Variants in BRDT observed in about 807,000 individuals in gnomAD.
BRDT encodes the protein bromodomain testis associated, also known as bromodomain testis-specific protein.
In BRDT, 77 loss-of-function variants were observed where a neutral mutation model predicts 113.9. The observed-to-expected ratio is 0.68, with a 90% confidence interval of 0.56 to 0.82. The LOEUF is 0.82. Among genes scored for constraint, BRDT ranks in the 40% least tolerant of loss-of-function variants. BRDT has a pLI of 0.00. For synonymous variants in BRDT, 358 were observed against 366.5 expected, an observed-to-expected ratio of 0.98 and a Z score of 0.26; for missense variants, 1,027 against 1,105.4, an observed-to-expected ratio of 0.93 and a Z score of 1.01.
intron 18 of BRDT, among the ~76,000 whole-genome samples, chr1:92,013,753 G>C (rs948782508): frequency 1.8e-4 from 28 of 152,298 alleles, no homozygotes; most frequent in African/African-American, 6.7e-4. Context: ...GCAGAATCAA[G>C]GAAAGCCCAT....
chr1:92,009,563 T>TTTTC (rs1285219919), intron 18 of BRDT, among the ~76,000 whole-genome samples: 3 of 147,004 alleles, frequency 2.0e-5, no homozygotes, highest in African/African-American at 7.6e-5. Flanking sequence ...TTTTTTTTTT[T>TTTTC]TCTCTTGACA....
intron 14 of BRDT, among the ~76,000 whole-genome samples, chr1:91,992,659 C>T (rs570682853): frequency 5.9e-5 from 9 of 152,220 alleles, no homozygotes; most frequent in Non-Finnish European, 1.2e-4. Context: ...CCTCAGTCTC[C>T]GGAGTAGCTG....
chr1:91,960,731 A>G lies in BRDT; in HGVS notation c.-37-1987A>G, dbSNP rs914397187. Among the ~76,000 whole-genome samples the G allele has an allele frequency of 3.3e-5, 5 of 152,234 alleles. No homozygotes were observed. In the East Asian group the frequency reaches 5.8e-4, roughly 18 times the overall value. Reference sequence around the variant, plus strand: ...AAAATATAAGTGATTAATATGCAACAGGAGGTGAGAACTAATACTACTTTA... The same window carrying G: ...AAAATATAAGTGATTAATATGCAACGGGAGGTGAGAACTAATACTACTTTA... On this transcript the variant is annotated intron_variant, in intron 1 of 18. Transcript: ENST00000399546.
chr1:91,999,632 T>C (rs1043327064), intron 15 of BRDT, among the ~76,000 whole-genome samples: 8 of 152,202 alleles, frequency 5.3e-5, no homozygotes, highest in Non-Finnish European at 1.0e-4. Context: ...GGGAGCAGCC[T>C]TTCCATTTAT....
chr1:91,991,869 G>C (rs897803585), intron 13 of BRDT, among the ~76,000 whole-genome samples: 1 of 151,822 alleles, frequency 6.6e-6, no homozygotes, highest in Non-Finnish European at 1.5e-5. Flanking sequence ...CCATGCGCCT[G>C]TAATCCCAGC....
At chr1:91,984,391 A>G (rs1685008248) in intron 12 of BRDT, among the ~76,000 whole-genome samples, 1 of 152,150 alleles carries the variant, frequency 6.6e-6, no homozygotes, top group South Asian at 2.1e-4. Context: ...AAGTCAAATC[A>G]TATCATTAGC....
At position 91,957,348 on chromosome 1, in the gene BRDT, C is replaced by T. The variant is rs1202929651; in HGVS notation, c.-37-5370C>T. Among the ~76,000 whole-genome samples, 4 of 152,092 alleles carry T rather than the reference C, an allele frequency of 2.6e-5. No individual in the cohort carries two copies. In the East Asian group the frequency reaches 5.8e-4, roughly 22 times the overall value. On this transcript the variant is annotated intron_variant, in intron 1 of 18. Transcript: ENST00000399546. ...CTCTACTAAAAATACAAAAAACTAG[C>T]TGGGTGTGGTGGCGGGCGCCTGTAG... is the stretch of plus-strand genomic sequence containing the variant.
intron 1 of BRDT, 94 bp from the exon 2 acceptor site, chr1:91,962,622 CTG>C: frequency 1.4e-6 from 1 of 693,066 alleles, no homozygotes; most frequent in East Asian, 3.1e-5. Context: ...GCCTGAGCCA[CTG>C]TGCCCGGCTT....
chr1:91,985,642 T>TA (rs2101704051), intron 12 of BRDT, among the ~76,000 whole-genome samples: 1 of 140,900 alleles, frequency 7.1e-6, no homozygotes, highest in East Asian at 2.0e-4. Flanking sequence ...GTTTTGCTTT[T>TA]TTTTTTTTTT....
chr1:91,970,633 T>C (rs1294275649), intron 4 of BRDT, among the ~76,000 whole-genome samples: 1 of 152,170 alleles, frequency 6.6e-6, no homozygotes, highest in Non-Finnish European at 1.5e-5. Flanking sequence ...AATACCTGGC[T>C]GGGCATTGTG....
intron 12 of BRDT, among the ~76,000 whole-genome samples, chr1:91,986,030 T>C (rs1381140316): frequency 6.6e-6 from 1 of 152,248 alleles, no homozygotes; most frequent in East Asian, 1.9e-4. Flanking sequence ...TTTTGACTGG[T>C]GTCAGCATAT....
chr1:91,986,399 G>A (rs1465246214), intron 12 of BRDT, among the ~76,000 whole-genome samples: 1 of 152,174 alleles, frequency 6.6e-6, no homozygotes, highest in Non-Finnish European at 1.5e-5. Context: ...TCCAGGAACT[G>A]TCTAAATATA....
intron 4 of BRDT, among the ~76,000 whole-genome samples, chr1:91,974,952 A>T (rs951184630): frequency 1.3e-5 from 2 of 152,228 alleles, no homozygotes; most frequent in African/African-American, 4.8e-5. Flanking sequence ...CTATGAAGCC[A>T]TAAAAAAGGA....
At chr1:91,959,391 T>C (rs1470274859) in intron 1 of BRDT, among the ~76,000 whole-genome samples, 1 of 150,542 alleles carries the variant, frequency 6.6e-6, no homozygotes, top group Non-Finnish European at 1.5e-5. Context: ...GCTCCATCTT[T>C]GTTCTTACGA....
intron 1 of BRDT, among the ~76,000 whole-genome samples, chr1:91,957,320 T>C (rs1235536694): frequency 3.3e-5 from 5 of 152,066 alleles, no homozygotes; most frequent in Non-Finnish European, 5.9e-5. Flanking sequence ...GGTGAAACCC[T>C]GTCTCTACTA....
At position 92,001,700 on chromosome 1, in the gene BRDT, A is replaced by G. The variant is rs1286459410; in HGVS notation, c.2288-349A>G. On this transcript the variant is annotated intron_variant, in intron 15 of 18. Transcript: ENST00000399546. The stretch of plus-strand genomic sequence containing the variant: ...CATCAAAGCAAGACCCTCTCCCCGC[A>G]AAAAAAAAAAACACACCTCTGGAGC... 2.1e-5 allele frequency among the ~76,000 whole-genome samples: 3 copies of G among 142,402 alleles called. No homozygotes were observed. The East Asian group carries it at 6.0e-4, about 29-fold the overall frequency. The allele number at this position is 142,402 out of a possible 152,430, so 93.4% of individuals were successfully genotyped here. A position where few individuals can be genotyped will look rare whatever the true frequency, so the allele number is the denominator to read the frequency against.
chr1:91,973,359 A>C (rs1003816141), intron 4 of BRDT, among the ~76,000 whole-genome samples: 2 of 152,070 alleles, frequency 1.3e-5, no homozygotes, highest in East Asian at 1.9e-4. Context: ...TTGAATCTAT[A>C]AATTACCTTG....
At chr1:91,986,455 T>A (rs568459165) in intron 12 of BRDT, among the ~76,000 whole-genome samples, 1 of 152,334 alleles carries the variant, frequency 6.6e-6, no homozygotes, top group East Asian at 1.9e-4. Context: ...TTCAGTGTAC[T>A]TAATTTCAAT....
At chr1:91,965,097 A>AGG (rs1262503292) in intron 3 of BRDT, among the ~76,000 whole-genome samples, 4 of 151,658 alleles carry the variant, frequency 2.6e-5, no homozygotes, top group African/African-American at 9.7e-5. Context: ...TTTTTTTAGT[A>AGG]GAGATGGGGT....
Sources: allele counts gnomAD v4.1 joint callset (sites outside exome capture counted in the v4.1 genomes callset), GRCh38; gene constraint gnomAD v4.1.1; transcripts MANE v1.5; gene names NCBI Gene and HGNC (gene_info 2026-07-23, HGNC 2026-07-21).